CNTNAP5: variants seen among roughly 807,000 people sequenced by gnomAD.
The protein encoded by CNTNAP5 is contactin associated protein family member 5, also known as contactin-associated protein-like 5.
A neutral mutation model predicts 150.2 loss-of-function variants in CNTNAP5; 72 were observed. That is an observed-to-expected ratio of 0.48 (90% CI 0.40 to 0.58). The LOEUF (loss-of-function observed/expected upper bound fraction) is 0.58. Among genes scored for constraint, CNTNAP5 ranks in the 20% least tolerant of loss-of-function variants. The pLI is 0.00. For synonymous variants in CNTNAP5, 672 were observed against 619.8 expected, an observed-to-expected ratio of 1.08 and a Z score of -1.25; for missense variants, 1,636 against 1,626.2, an observed-to-expected ratio of 1.01 and a Z score of -0.10.
intron 1 of CNTNAP5, among the ~76,000 whole-genome samples, chr2:124,101,193 A>C (rs1035188120): frequency 6.6e-6 from 1 of 152,232 alleles, no homozygotes; most frequent in Admixed American, 6.5e-5. Context: ...AATCACTTAC[A>C]TAAGATGTAG....
intron 11 of CNTNAP5, among the ~76,000 whole-genome samples, chr2:124,584,311 C>T (rs1326337055): frequency 6.6e-6 from 1 of 151,870 alleles, no homozygotes; most frequent in African/African-American, 2.4e-5. Flanking sequence ...TGCTGGTGGT[C>T]ATGAAGTTTC....
intron 11 of CNTNAP5, among the ~76,000 whole-genome samples, chr2:124,606,522 T>C (rs886079430): frequency 1.3e-5 from 2 of 151,672 alleles, no homozygotes; most frequent in African/African-American, 4.8e-5. Flanking sequence ...ATGATGAAAA[T>C]TGAAAAAAAA....
At chr2:124,332,617 A>AT (rs1689377397) in intron 3 of CNTNAP5, among the ~76,000 whole-genome samples, 1 of 151,664 alleles carries the variant, frequency 6.6e-6, no homozygotes, top group African/African-American at 2.4e-5. Flanking sequence ...ATGAACACTC[A>AT]TTTAATTTAA....
At chr2:124,525,375 T>C (rs1360499349) in intron 9 of CNTNAP5, among the ~76,000 whole-genome samples, 1 of 152,198 alleles carries the variant, frequency 6.6e-6, no homozygotes, top group Admixed American at 6.5e-5. Context: ...TGTAAGCATA[T>C]GGCAGAGTGT....
In CNTNAP5 at chr2:124,919,200, A is replaced by T. The variant is rs536877704; in HGVS notation, c.*4912A>T. ...AACTTTTCTCTTGAACATTCTACATACATATCTGTTTGGTAGGGAGAGAAG... is the reference window on the plus strand; with the variant it reads ...AACTTTTCTCTTGAACATTCTACATTCATATCTGTTTGGTAGGGAGAGAAG... On this transcript the variant is annotated 3_prime_UTR_variant, in exon 24 of 24. Transcript: ENST00000682447. 6.6e-6 allele frequency among the ~76,000 whole-genome samples: 1 copy of T among 152,188 alleles called. No homozygotes were observed. The highest frequency in any genetic ancestry group is 2.4e-5 in the African/African-American group (1 of 41,556).
chr2:124,539,474 G>T (rs1406383484), intron 10 of CNTNAP5, among the ~76,000 whole-genome samples: 1 of 152,184 alleles, frequency 6.6e-6, no homozygotes, highest in African/African-American at 2.4e-5. Flanking sequence ...ATTGGAATCA[G>T]ACTCAGAATT....
intron 1 of CNTNAP5, among the ~76,000 whole-genome samples, chr2:124,179,173 T>C (rs1482368125): frequency 6.6e-6 from 1 of 151,606 alleles, no homozygotes; most frequent in Non-Finnish European, 1.5e-5. Flanking sequence ...TTTTTTAATT[T>C]TGATATGGAG....
At chr2:124,747,155 C>G (rs1395919173) in intron 13 of CNTNAP5, 74 bp from the exon 14 acceptor site, 1 of 1,431,598 alleles carries the variant, frequency 7.0e-7, no homozygotes, top group Non-Finnish European at 9.6e-7. Flanking sequence ...ATATTTTCAG[C>G]TCAGTTTCTG....
intron 1 of CNTNAP5, among the ~76,000 whole-genome samples, chr2:124,146,217 A>C (rs1191016284): frequency 1.3e-5 from 2 of 152,172 alleles, no homozygotes. Flanking sequence ...CTCAGCTCAG[A>C]CCCGAGCTGT....
At chr2:124,899,759 C>T (rs1160416566) in intron 21 of CNTNAP5, among the ~76,000 whole-genome samples, 1 of 151,252 alleles carries the variant, frequency 6.6e-6, no homozygotes, top group South Asian at 2.1e-4. Context: ...TCTAACACAG[C>T]ACATGAAACA....
intron 13 of CNTNAP5, among the ~76,000 whole-genome samples, chr2:124,677,272 A>G (rs1028098903): frequency 1.3e-5 from 2 of 152,140 alleles, no homozygotes; most frequent in Non-Finnish European, 2.9e-5. Flanking sequence ...CAGTGGGTTC[A>G]TGGTCTTGCT....
At chr2:124,281,981 C>T (rs1368945085) in intron 3 of CNTNAP5, among the ~76,000 whole-genome samples, 1 of 152,042 alleles carries the variant, frequency 6.6e-6, no homozygotes, top group Non-Finnish European at 1.5e-5. Context: ...TTTCAGAAAC[C>T]ACCCTCCCTG....
At position 124,798,184 on chromosome 2, in the gene CNTNAP5, C is replaced by T. The variant is rs1442949367; in HGVS notation, c.3081C>T (p.Ser1027=). The stretch of plus-strand genomic sequence containing the variant: ...TGACCAAGAATATAAGCCTCTCATC[C>T]TCAGCTATTTACACAGATTCAGCTC... The part of the protein sequence containing the change: ...YPVTKNISLS[S]SAIYTDSAPS... The change falls in exon 19 of 24, where the codon TCC becomes TCT. Residue 1027 remains serine (S), a synonymous_variant. Coordinates refer to ENST00000682447, the MANE Select transcript of CNTNAP5 (RefSeq NM_001367498.1). 6.2e-7 allele frequency: 1 copy of T among 1,613,838 alleles called. No homozygotes were observed. The highest frequency in any genetic ancestry group is 8.5e-7 in the Non-Finnish European group (1 of 1,179,766).
chr2:124,472,500 T>A (rs1693540302), intron 6 of CNTNAP5, among the ~76,000 whole-genome samples: 1 of 151,456 alleles, frequency 6.6e-6, no homozygotes, highest in African/African-American at 2.4e-5. Flanking sequence ...ATGGAGACAG[T>A]AAAATAGGAA....
At chr2:124,235,416 C>G (rs1408343092) in intron 2 of CNTNAP5, among the ~76,000 whole-genome samples, 1 of 152,046 alleles carries the variant, frequency 6.6e-6, no homozygotes, top group East Asian at 1.9e-4. Context: ...TAAGCTTCTC[C>G]TCTCGGTGTT....
At chr2:124,627,504 A>G (rs1487692071) in intron 12 of CNTNAP5, among the ~76,000 whole-genome samples, 3 of 144,832 alleles carry the variant, frequency 2.1e-5, no homozygotes, top group African/African-American at 7.4e-5. Context: ...AAAAACAAAC[A>G]GAAAGCAACA....
intron 3 of CNTNAP5, among the ~76,000 whole-genome samples, chr2:124,391,514 T>C (rs1191421820): frequency 6.6e-6 from 1 of 152,204 alleles, no homozygotes; most frequent in Non-Finnish European, 1.5e-5. Context: ...GCCACTTGCA[T>C]TGGGCAAATG....
intron 1 of CNTNAP5, among the ~76,000 whole-genome samples, chr2:124,158,573 C>T (rs375392218): frequency 1.9e-4 from 29 of 152,234 alleles, no homozygotes; most frequent in East Asian, 1.5e-3. Flanking sequence ...GTTGAATCCA[C>T]GGATATAGAA....
chr2:124,756,787 G>A (rs1015290419), intron 14 of CNTNAP5, among the ~76,000 whole-genome samples: 1 of 152,054 alleles, frequency 6.6e-6, no homozygotes, highest in African/African-American at 2.4e-5. Flanking sequence ...GTGGGAGGAG[G>A]GAGAGCATCA....
Sources: allele counts gnomAD v4.1 joint callset (sites outside exome capture counted in the v4.1 genomes callset), GRCh38; gene constraint gnomAD v4.1.1; transcripts MANE v1.5; gene names NCBI Gene and HGNC (gene_info 2026-07-23, HGNC 2026-07-21).